The following GRM1 variants were observed in gnomAD, a reference collection of about 807,000 sequenced individuals.
The protein encoded by GRM1 is metabotropic glutamate receptor 1.
In GRM1, 33 loss-of-function variants were observed where a neutral mutation model predicts 90.9. That is an observed-to-expected ratio of 0.36 (90% CI 0.28 to 0.49). The LOEUF (loss-of-function observed/expected upper bound fraction) is 0.49, where lower values mean the gene tolerates loss of function less well. Ranked by LOEUF, GRM1 falls within the 20% of genes least tolerant of loss-of-function variation. The pLI, the probability that GRM1 is intolerant of heterozygous loss-of-function variation, is 0.99. For missense variants in GRM1, 1,190 were observed against 1,534.3 expected, an observed-to-expected ratio of 0.78 and a Z score of 3.75; for synonymous variants, 700 against 613.2, an observed-to-expected ratio of 1.14 and a Z score of -2.09.
intron 1 of GRM1, among the ~76,000 whole-genome samples, chr6:146,058,833 T>G (rs962017321): frequency 6.6e-6 from 1 of 152,158 alleles, no homozygotes; most frequent in Non-Finnish European, 1.5e-5. Flanking sequence ...AGATTCCATT[T>G]TCTTAGTTCA....
At position 146,435,117 on chromosome 6, in the gene GRM1, T is replaced by G; in HGVS notation, c.*321T>G. 1 of 467,920 alleles carries G rather than the reference T, an allele frequency of 2.1e-6. No individual in the cohort carries two copies. Among genetic ancestry groups the G allele is most frequent in the South Asian group, 2.1e-5 (1 of 48,010 alleles). 29.0% of individuals were successfully genotyped at this position (467,920 alleles called of 1,614,324 possible). A position where few individuals can be genotyped will look rare whatever the true frequency, so the allele number is the denominator to read the frequency against. ...AAATCAAATAGTGACATCACAAACATAATGTCCTCTTTTGCACAATTGTGC... is the reference window on the plus strand; with the variant it reads ...AAATCAAATAGTGACATCACAAACAGAATGTCCTCTTTTGCACAATTGTGC... On this transcript the variant is annotated 3_prime_UTR_variant, in exon 8 of 8. Coordinates refer to ENST00000282753, the MANE Select transcript of GRM1 (RefSeq NM_001278064.2).
At chr6:146,043,711 T>C (rs1406709938) in intron 1 of GRM1, among the ~76,000 whole-genome samples, 1 of 150,014 alleles carries the variant, frequency 6.7e-6, no homozygotes, top group Non-Finnish European at 1.5e-5. Flanking sequence ...TCCACCTTAC[T>C]TCAATGGCAT....
intron 2 of GRM1, among the ~76,000 whole-genome samples, chr6:146,293,446 T>C (rs1006498898): frequency 1.3e-5 from 2 of 152,014 alleles, no homozygotes; most frequent in African/African-American, 4.8e-5. Flanking sequence ...AAAAAAATTA[T>C]TGGATTACTT....
chr6:146,359,005 A>T (rs1775349059), intron 5 of GRM1, among the ~76,000 whole-genome samples: 7 of 152,174 alleles, frequency 4.6e-5, no homozygotes, highest in Admixed American at 4.6e-4. Context: ...TGCCATGGCT[A>T]TGGTAAATCT....
intron 3 of GRM1, among the ~76,000 whole-genome samples, chr6:146,321,479 T>C (rs949711538): frequency 1.3e-5 from 2 of 152,194 alleles, no homozygotes; most frequent in Non-Finnish European, 2.9e-5. Context: ...GGATGTCTGT[T>C]AGGTTCACTT....
At chr6:146,061,511 A>G (rs1376603869) in intron 1 of GRM1, among the ~76,000 whole-genome samples, 2 of 152,160 alleles carry the variant, frequency 1.3e-5, no homozygotes, top group Non-Finnish European at 2.9e-5. Context: ...AAAAGAAACT[A>G]TCATAAGAGT....
chr6:146,371,418 C>A (rs1202064478), intron 5 of GRM1, among the ~76,000 whole-genome samples: 2 of 152,074 alleles, frequency 1.3e-5, no homozygotes, highest in Non-Finnish European at 1.5e-5. Flanking sequence ...ATGAGTGCAT[C>A]ATGGAGAATG....
Position 146,382,958 on chromosome 6 carries a change from T to C in GRM1, c.1603-3932T>C, listed in dbSNP as rs116680001. Among the ~76,000 whole-genome samples the C allele has an allele frequency of 6.2e-3, 940 of 152,230 alleles. 11 individuals are homozygous for C. Among genetic ancestry groups the C allele is most frequent in the African/African-American group, 0.022 (905 of 41,554 alleles). On this transcript the variant is annotated intron_variant, in intron 5 of 7. Coordinates refer to ENST00000282753, the MANE Select transcript of GRM1 (RefSeq NM_001278064.2). ...GTGAGAAGAAATTAGAGGCATGGTA[T>C]ATAAGTCCCTAGATATATACAATGG...
At chr6:146,170,410 C>T (rs986563158) in intron 2 of GRM1, among the ~76,000 whole-genome samples, 14 of 152,036 alleles carry the variant, frequency 9.2e-5, no homozygotes, top group African/African-American at 2.7e-4. Context: ...TGTTGGTACA[C>T]TCACTTAAAG....
chr6:146,144,273 C>T (rs1019322612), intron 1 of GRM1, among the ~76,000 whole-genome samples: 5 of 152,144 alleles, frequency 3.3e-5, no homozygotes, highest in African/African-American at 1.2e-4. Context: ...AGGGCCCCAC[C>T]CTTATGACAT....
rs565018248 is a variant in GRM1, at chr6:146,280,709, C to T, written c.951-23902C>T. Among the ~76,000 whole-genome samples, 16 of 152,264 alleles carry T rather than the reference C, an allele frequency of 1.1e-4. No individual in the cohort carries two copies. In the East Asian group the frequency reaches 2.3e-3, roughly 22 times the overall value. ...TCGTGGCTCACTGCAGCCTCAAACT[C>T]GTGAGCTCAAGCAATCCTCCCACCT... On this transcript the variant is annotated intron_variant, in intron 2 of 7. Coordinates refer to ENST00000282753, the MANE Select transcript of GRM1 (RefSeq NM_001278064.2).
At chr6:146,227,723 T>C (rs1215215460) in intron 2 of GRM1, among the ~76,000 whole-genome samples, 1 of 152,118 alleles carries the variant, frequency 6.6e-6, no homozygotes, top group African/African-American at 2.4e-5. Flanking sequence ...AGCAGAAACA[T>C]AGGCAGCCTC....
intron 5 of GRM1, among the ~76,000 whole-genome samples, chr6:146,361,684 G>C (rs187020009): frequency 2.9e-4 from 44 of 152,214 alleles, no homozygotes; most frequent in Non-Finnish European, 5.1e-4. Flanking sequence ...TTTTATAGAC[G>C]AGGGAATCTG....
intron 2 of GRM1, among the ~76,000 whole-genome samples, chr6:146,193,607 A>G (rs2114589869): frequency 6.6e-6 from 1 of 152,350 alleles, no homozygotes; most frequent in East Asian, 1.9e-4. Flanking sequence ...GTAGGGTGGA[A>G]GCAAAAGTGT....
chr6:146,434,227 G>A lies in GRM1; in HGVS notation c.3016G>A (p.Glu1006Lys), dbSNP rs1251015795. Residue 1006 changes from glutamate (E) to lysine (K), a missense_variant, in exon 8 of 8, where the codon GAA becomes AAA. Glu to Lys is a moderately conservative substitution (Grantham distance 56). This residue lies in a region of GRM1 where 400 missense variants were observed against 360.8 expected (regional missense o/e 1.11). Coordinates refer to ENST00000282753, the MANE Select transcript of GRM1 (RefSeq NM_001278064.2). ...AGAGGAGACCCCCCTCTTCCTGGCC[G>A]AACCAGCCCTCCCCAAGGGCTTGCC... ...TAEETPLFLA[E>K]PALPKGLPPP... 1 of 1,606,186 alleles carries A rather than the reference G, an allele frequency of 6.2e-7. No individual in the cohort carries two copies. Among genetic ancestry groups the A allele is most frequent in the Non-Finnish European group, 8.5e-7 (1 of 1,174,858 alleles).
rs143487452 is a variant in GRM1, at chr6:146,417,287, T to A, written c.2661-16585T>A. ...AATATCTTCCAGTGGTTTAAAAAAATTTATCTGGTTTTTCTTGTTGTTTTC... is the reference window on the plus strand; with the variant it reads ...AATATCTTCCAGTGGTTTAAAAAAAATTATCTGGTTTTTCTTGTTGTTTTC... On this transcript the variant is annotated intron_variant, in intron 7 of 7. Transcript: ENST00000282753. Among the ~76,000 whole-genome samples, 350 of 152,316 alleles carry A rather than the reference T, an allele frequency of 2.3e-3. 3 individuals are homozygous for A. Among genetic ancestry groups the A allele is most frequent in the African/African-American group, 8.2e-3 (339 of 41,570 alleles).
intron 1 of GRM1, among the ~76,000 whole-genome samples, chr6:146,156,382 G>A (rs1273241368): frequency 6.6e-6 from 1 of 152,134 alleles, no homozygotes; most frequent in African/African-American, 2.4e-5. Context: ...CTCCAGCCTG[G>A]GCGACCAAGA....
chr6:146,112,728 G>C (rs561854896), intron 1 of GRM1, among the ~76,000 whole-genome samples: 3 of 152,278 alleles, frequency 2.0e-5, no homozygotes, highest in Admixed American at 2.0e-4. Flanking sequence ...ATTGTCTGCT[G>C]TTTGGAATTA....
chr6:146,255,498 G>T (rs1781446514), intron 2 of GRM1, among the ~76,000 whole-genome samples: 1 of 152,002 alleles, frequency 6.6e-6, no homozygotes, highest in Non-Finnish European at 1.5e-5. Flanking sequence ...CAAACCAGGG[G>T]ATGATTTCCC....
Sources: gnomAD v4.1 joint callset for allele counts (sites outside exome capture counted in the v4.1 genomes callset) on GRCh38, gnomAD v4.1.1 for gene constraint, gnomAD v4.1.1 regional missense constraint, MANE v1.5 for transcripts, NCBI Gene and HGNC (gene_info 2026-07-23, HGNC 2026-07-21) for gene names.